CCNY: variants seen among roughly 807,000 people sequenced by gnomAD.
CCNY encodes cyclin-Y.
In CCNY, 19 loss-of-function variants were observed where a neutral mutation model predicts 42.8. That is an observed-to-expected ratio of 0.44 (90% confidence interval 0.31 to 0.65). The LOEUF is 0.65. CCNY is among the 30% of genes least tolerant of loss of function. The probability of loss-of-function intolerance (pLI) is 0.07; values close to 1 mark genes in which losing one functional copy is unlikely to be tolerated. For missense variants in CCNY, 370 were observed against 437.3 expected (o/e 0.85, Z 1.37); for synonymous variants, 165 against 162.7 (o/e 1.01, Z -0.11).
intron 4 of CCNY, among the ~76,000 whole-genome samples, chr10:35,524,554 G>A (rs942424775): frequency 3.3e-5 from 5 of 152,152 alleles, no homozygotes; most frequent in African/African-American, 1.2e-4. Context: ...GGGCCGAGTC[G>A]GTACCCTGAG....
At chr10:35,343,458 C>T (rs987533573) in intron 1 of CCNY, among the ~76,000 whole-genome samples, 31 of 135,758 alleles carry the variant, frequency 2.3e-4, no homozygotes, top group South Asian at 4.7e-4. Flanking sequence ...GATGCCATCT[C>T]GGCTCACTGC....
intron 3 of CCNY, among the ~76,000 whole-genome samples, chr10:35,513,209 G>A (rs1298961651): frequency 6.6e-6 from 1 of 152,020 alleles, no homozygotes; most frequent in African/African-American, 2.4e-5. Context: ...CATATTCATA[G>A]CTTAATCTGT....
chr10:35,385,379 T>G (rs1008336848), intron 1 of CCNY, among the ~76,000 whole-genome samples: 4 of 152,244 alleles, frequency 2.6e-5, no homozygotes, highest in Non-Finnish European at 4.4e-5. Flanking sequence ...TATTTCCAAC[T>G]CCTGTGGTAC....
At chr10:35,543,181 G>A (rs1388908896) in intron 7 of CCNY, among the ~76,000 whole-genome samples, 2 of 152,146 alleles carry the variant, frequency 1.3e-5, no homozygotes, top group Non-Finnish European at 2.9e-5. Context: ...TGTGTGTTGG[G>A]AGTCCCCAAG....
chr10:35,458,265 G>A (rs1276503161), intron 1 of CCNY, among the ~76,000 whole-genome samples: 1 of 152,206 alleles, frequency 6.6e-6, no homozygotes, highest in African/African-American at 2.4e-5. Context: ...ACGTGTTGAT[G>A]TGATGACTTG....
intron 1 of CCNY, among the ~76,000 whole-genome samples, chr10:35,338,012 G>A (rs759186138): frequency 2.6e-5 from 4 of 152,216 alleles, no homozygotes; most frequent in Non-Finnish European, 5.9e-5. Context: ...GTTGCTCAGT[G>A]ATAACGACAG....
intron 7 of CCNY, among the ~76,000 whole-genome samples, chr10:35,540,540 A>C (rs111857479): frequency 6.6e-6 from 1 of 151,570 alleles, no homozygotes; most frequent in African/African-American, 2.4e-5. Context: ...GCCTCATAGA[A>C]CAAATTGAGA....
intron 3 of CCNY, among the ~76,000 whole-genome samples, chr10:35,272,250 G>C (rs1835179190): frequency 6.6e-6 from 1 of 150,756 alleles, no homozygotes; most frequent in African/African-American, 2.4e-5. Flanking sequence ...GCCTCCCAAA[G>C]TGCTGGGATT....
At chr10:35,363,682 C>CAG (rs1287025464) in intron 1 of CCNY, among the ~76,000 whole-genome samples, 2 of 152,156 alleles carry the variant, frequency 1.3e-5, no homozygotes, top group Non-Finnish European at 2.9e-5. Context: ...CTCCGCCCCA[C>CAG]GACCTCCCCG....
intron 3 of CCNY, among the ~76,000 whole-genome samples, chr10:35,510,391 A>G (rs1351642991): frequency 6.6e-6 from 1 of 151,820 alleles, no homozygotes; most frequent in Non-Finnish European, 1.5e-5. Context: ...ATTTATTTCT[A>G]TTTTTTGTAG....
intron 3 of CCNY, 33 bp from the exon 4 acceptor site, chr10:35,516,490 A>G: frequency 7.0e-7 from 1 of 1,434,570 alleles, no homozygotes; most frequent in Non-Finnish European, 9.8e-7. Context: ...AGCCCTGTGT[A>G]ATTGCCTTAA....
chr10:35,346,337 C>T (rs1046615738), intron 1 of CCNY, among the ~76,000 whole-genome samples: 3 of 152,172 alleles, frequency 2.0e-5, no homozygotes, highest in Non-Finnish European at 4.4e-5. Flanking sequence ...CTCTGTCTCC[C>T]TTTACTTTTT....
intron 1 of CCNY, among the ~76,000 whole-genome samples, chr10:35,406,682 C>T (rs555808680): frequency 8.5e-5 from 13 of 152,354 alleles, no homozygotes; most frequent in Admixed American, 5.2e-4. Context: ...CCCCACCTTT[C>T]CCCCCTTTCT....
intron 9 of CCNY, among the ~76,000 whole-genome samples, chr10:35,568,839 C>CT (rs1375681670): frequency 6.6e-6 from 1 of 152,250 alleles, no homozygotes; most frequent in African/African-American, 2.4e-5. Context: ...TCCTGAGAGT[C>CT]TTTTCTCAGA....
chr10:35,305,654 C>T (rs1437904389), intron 3 of CCNY, among the ~76,000 whole-genome samples: 2 of 152,174 alleles, frequency 1.3e-5, no homozygotes, highest in African/African-American at 4.8e-5. Context: ...ATTTTTACCC[C>T]TGCAAGAAAG....
intron 3 of CCNY, among the ~76,000 whole-genome samples, chr10:35,313,274 T>C (rs772603304): frequency 1.3e-5 from 2 of 152,212 alleles, no homozygotes; most frequent in Non-Finnish European, 2.9e-5. Flanking sequence ...AGATTCCACA[T>C]AGTATATACC....
intron 1 of CCNY, among the ~76,000 whole-genome samples, chr10:35,437,102 A>G (rs3013366): frequency 0.072 from 11,036 of 152,248 alleles, 664 homozygotes; most frequent in African/African-American, 0.17. Flanking sequence ...TGAGAACAGT[A>G]TGAGGGAAAC....
intron 1 of CCNY, among the ~76,000 whole-genome samples, chr10:35,437,435 A>G (rs1838561715): frequency 6.6e-6 from 1 of 152,186 alleles, no homozygotes; most frequent in South Asian, 2.1e-4. Context: ...GGGGAGGATC[A>G]CTTAAGCCCA....
chr10:35,480,528 G>A (rs1283991866), intron 1 of CCNY, among the ~76,000 whole-genome samples: 3 of 152,304 alleles, frequency 2.0e-5, no homozygotes, highest in Non-Finnish European at 4.4e-5. Context: ...ACTCATCTTG[G>A]TGACTCTGTG....
Sources: gnomAD v4.1 joint callset for allele counts (sites outside exome capture counted in the v4.1 genomes callset) on GRCh38, gnomAD v4.1.1 for gene constraint, MANE v1.5 for transcripts, NCBI Gene and HGNC (gene_info 2026-07-23, HGNC 2026-07-21) for gene names.